Variants in CEP128 observed in about 807,000 individuals in gnomAD.
CEP128 encodes the protein centrosomal protein 128.
Under a neutral mutation model 156.7 loss-of-function variants are expected in CEP128, and 132 were observed. The observed-to-expected ratio is 0.84, with a 90% CI of 0.73 to 0.97. The LOEUF (loss-of-function observed/expected upper bound fraction) is 0.97. CEP128 is among the 50% of genes least tolerant of loss of function. The probability of loss-of-function intolerance (pLI) is 0.00; values close to 1 mark genes in which losing one functional copy is unlikely to be tolerated. For synonymous variants in CEP128, 469 were observed against 448.9 expected (o/e 1.04, Z -0.57); for missense variants, 1,252 against 1,281.9 (o/e 0.98, Z 0.36).
At chr14:80,776,171 T>C (rs1436983884) in intron 16 of CEP128, among the ~76,000 whole-genome samples, 1 of 152,194 alleles carries the variant, frequency 6.6e-6, no homozygotes, top group African/African-American at 2.4e-5. Flanking sequence ...CCACTATTTC[T>C]TAAATGCAGC....
intron 16 of CEP128, among the ~76,000 whole-genome samples, chr14:80,764,505 C>CAAAAAAAAAAAGA (rs975969083): frequency 1.8e-4 from 16 of 87,566 alleles, no homozygotes; most frequent in Non-Finnish European, 2.6e-4. Context: ...GACTCCGTCT[C>CAAAAAAAAAAAGA]AAAAAAAAAA....
intron 19 of CEP128, among the ~76,000 whole-genome samples, chr14:80,678,049 A>AAAAAAATATATATATATACATATGTAT: frequency 1.0e-5 from 1 of 98,502 alleles, no homozygotes; most frequent in African/African-American, 3.2e-5. Flanking sequence ...ATAAAAAAAA[A>AAAAAAATATATATATATACATATGTAT]ATATATATAT....
intron 19 of CEP128, among the ~76,000 whole-genome samples, chr14:80,602,071 G>A (rs550988878): frequency 2.8e-4 from 43 of 152,172 alleles, no homozygotes; most frequent in African/African-American, 9.9e-4. Context: ...AAACAATACA[G>A]ACTTTTAGAC....
chr14:80,540,983 G>A (rs1430381976), intron 21 of CEP128, among the ~76,000 whole-genome samples: 1 of 152,092 alleles, frequency 6.6e-6, no homozygotes, highest in Non-Finnish European at 1.5e-5. Flanking sequence ...TCCACAAAAT[G>A]TTTTCTCTAA....
At chr14:80,691,860 A>C (rs1336957579) in intron 19 of CEP128, among the ~76,000 whole-genome samples, 2 of 152,352 alleles carry the variant, frequency 1.3e-5, no homozygotes, top group East Asian at 3.9e-4. Flanking sequence ...CCACACCTAC[A>C]AATATTTAAT....
intron 13 of CEP128, chr14:80,830,071 A>G: frequency 2.5e-6 from 1 of 403,218 alleles, no homozygotes. Context: ...CAGCAAAATA[A>G]TCATATTTTA....
chr14:80,510,329 T>C (rs551246695), intron 23 of CEP128, among the ~76,000 whole-genome samples: 6 of 152,254 alleles, frequency 3.9e-5, no homozygotes, highest in Non-Finnish European at 7.4e-5. Context: ...ATTGTAGAGA[T>C]CTTTCACTAC....
At chr14:80,865,164 A>G (rs548913594) in intron 8 of CEP128, among the ~76,000 whole-genome samples, 1 of 152,326 alleles carries the variant, frequency 6.6e-6, no homozygotes, top group Non-Finnish European at 1.5e-5. Flanking sequence ...ACATTTAAGT[A>G]AGATAATGCA....
intron 20 of CEP128, among the ~76,000 whole-genome samples, chr14:80,572,321 A>G (rs1482479085): frequency 1.3e-5 from 2 of 152,134 alleles, no homozygotes; most frequent in Non-Finnish European, 2.9e-5. Context: ...GATCTCAGAG[A>G]TTTGTTTCAT....
chr14:80,880,803 C>T (rs1408823345), intron 8 of CEP128, among the ~76,000 whole-genome samples: 2 of 149,336 alleles, frequency 1.3e-5, no homozygotes, highest in Admixed American at 1.3e-4. Flanking sequence ...GTGGAGGTTG[C>T]AGTGAGTCAA....
At chr14:80,599,043 AT>A (rs1216112828) in intron 19 of CEP128, among the ~76,000 whole-genome samples, 1 of 152,190 alleles carries the variant, frequency 6.6e-6, no homozygotes, top group Non-Finnish European at 1.5e-5. Context: ...AGGTAAAATG[AT>A]CTTTATGTAT....
chr14:80,858,012 CAATG>C (rs1363187760), intron 9 of CEP128, among the ~76,000 whole-genome samples: 2 of 152,106 alleles, frequency 1.3e-5, no homozygotes, highest in East Asian at 3.9e-4. Flanking sequence ...ATCAAGCTAC[CAATG>C]ACTTTCTTCA....
At chr14:80,824,213 C>G (rs563672448) in intron 13 of CEP128, among the ~76,000 whole-genome samples, 1 of 152,260 alleles carries the variant, frequency 6.6e-6, no homozygotes, top group South Asian at 2.1e-4. Flanking sequence ...ACCCTGGGCC[C>G]GGATCATGAA....
At chr14:80,642,911 C>G (rs138539636) in intron 19 of CEP128, among the ~76,000 whole-genome samples, 1 of 151,968 alleles carries the variant, frequency 6.6e-6, no homozygotes, top group African/African-American at 2.4e-5. Flanking sequence ...CGTGCCACCA[C>G]GCCTGGCTAA....
rs1423574872 is a variant in CEP128, at chr14:80,926,581, A to T, written c.-15-10019T>A. ...GCCCATCCACCTACTCTGGTAGCCT[A>T]ACACAACAGACAGAGACTTTTGCAT... On this transcript the variant is annotated intron_variant, in intron 2 of 24. Coordinates refer to ENST00000555265, the MANE Select transcript of CEP128 (RefSeq NM_152446.5). Among the ~76,000 whole-genome samples the T allele has an allele frequency of 4.6e-5, 7 of 152,194 alleles. No homozygotes were observed. In the East Asian group the frequency reaches 1.3e-3, roughly 29 times the overall value.
chr14:80,618,905 A>G (rs1027238486), intron 19 of CEP128, among the ~76,000 whole-genome samples: 3 of 152,246 alleles, frequency 2.0e-5, no homozygotes, highest in Non-Finnish European at 1.5e-5. Flanking sequence ...CTACTGGTCG[A>G]TAAACCAAAC....
chr14:80,868,582 T>C (rs973266423), intron 8 of CEP128, among the ~76,000 whole-genome samples: 1 of 151,542 alleles, frequency 6.6e-6, no homozygotes. Context: ...GAGAAAAAAA[T>C]AAATGAAGAA....
intron 19 of CEP128, among the ~76,000 whole-genome samples, chr14:80,729,170 G>A (rs1481189438): frequency 7.1e-6 from 1 of 141,260 alleles, no homozygotes; most frequent in Non-Finnish European, 1.5e-5. Context: ...CCCCTCCCAT[G>A]CTTCCCCCCA....
chr14:80,545,829 T>C (rs534553639), intron 21 of CEP128, among the ~76,000 whole-genome samples: 2 of 152,274 alleles, frequency 1.3e-5, no homozygotes, highest in African/African-American at 4.8e-5. Context: ...TTGAAGGACA[T>C]GTTGAAGATG....
Sources: gnomAD v4.1 joint callset for allele counts (sites outside exome capture counted in the v4.1 genomes callset) on GRCh38, gnomAD v4.1.1 for gene constraint, MANE v1.5 for transcripts, NCBI Gene and HGNC (gene_info 2026-07-23, HGNC 2026-07-21) for gene names.